Variants in ARHGEF37 observed in about 807,000 individuals in gnomAD.
The protein encoded by ARHGEF37 is Rho guanine nucleotide exchange factor 37, also known as Rho guanine nucleotide exchange factor (GEF) 37.
A neutral mutation model predicts 71.1 loss-of-function variants in ARHGEF37; 55 were observed. That is an observed-to-expected ratio of 0.77 (90% CI 0.62 to 0.97). The LOEUF is 0.97. Among genes scored for constraint, ARHGEF37 ranks in the 50% least tolerant of loss-of-function variants. ARHGEF37 has a pLI of 0.00. For synonymous variants in ARHGEF37, 327 were observed against 350.6 expected (o/e 0.93, Z 0.75); for missense variants, 765 against 836.8 (o/e 0.91, Z 1.06).
chr5:149,596,937 C>T (rs1763563141), intron 1 of ARHGEF37, among the ~76,000 whole-genome samples: 1 of 152,090 alleles, frequency 6.6e-6, no homozygotes, highest in Non-Finnish European at 1.5e-5. Flanking sequence ...GCAGGGCACA[C>T]CATGTTCACA....
chr5:149,597,270 T>A (rs1251803000), intron 1 of ARHGEF37, among the ~76,000 whole-genome samples: 1 of 150,846 alleles, frequency 6.6e-6, no homozygotes, highest in Non-Finnish European at 1.5e-5. Context: ...TAAAAAAAAA[T>A]TTTTTTTGTA....
At chr5:149,561,015 C>T (rs1762821703) in intron 1 of ARHGEF37, among the ~76,000 whole-genome samples, 1 of 152,206 alleles carries the variant, frequency 6.6e-6, no homozygotes. Flanking sequence ...TGGCTCACGC[C>T]TGTAATCCCA....
intron 1 of ARHGEF37, among the ~76,000 whole-genome samples, chr5:149,588,732 C>T (rs1763311599): frequency 6.6e-6 from 1 of 152,020 alleles, no homozygotes; most frequent in Non-Finnish European, 1.5e-5. Flanking sequence ...TTTAAATGGG[C>T]TCCTCCTGGG....
chr5:149,632,090 T>C lies in ARHGEF37; in HGVS notation c.1927T>C (p.Trp643Arg). 6.2e-7 allele frequency: 1 copy of C among 1,614,168 alleles called. No individual in the cohort carries two copies. The highest frequency in any genetic ancestry group is 8.5e-7 in the Non-Finnish European group (1 of 1,180,032). Residue 643 changes from tryptophan to arginine, a missense_variant, in exon 13 of 13, where the codon TGG becomes CGG. Coordinates refer to ENST00000333677, the MANE Select transcript of ARHGEF37 (RefSeq NM_001001669.3). ...CCAGGACAAGAAGGGGAACCCTGAG[T>C]GGAGCCTGGTGGAAGTGAATGGACA... ...EAQDKKGNPE[W>R]SLVEVNGQRG...
At chr5:149,626,178 A>T (rs1403841324) in intron 10 of ARHGEF37, among the ~76,000 whole-genome samples, 1 of 150,552 alleles carries the variant, frequency 6.6e-6, no homozygotes, top group Non-Finnish European at 1.5e-5. Context: ...CCTGAAGGGC[A>T]TCTCTGCCTG....
rs927511909 is a variant in ARHGEF37 at position 149,632,731 on chromosome 5, C to T, written c.*540C>T. 17 of 157,698 alleles carry T rather than the reference C, an allele frequency of 1.1e-4. No homozygotes were observed. Among genetic ancestry groups the T allele is most frequent in the Admixed American group, 3.0e-4 (5 of 16,682 alleles). 9.8% of individuals were successfully genotyped at this position (157,698 alleles called of 1,614,324 possible). A position where few individuals can be genotyped will look rare whatever the true frequency, so the allele number is the denominator to read the frequency against. On this transcript the variant is annotated 3_prime_UTR_variant, in exon 13 of 13. Coordinates refer to ENST00000333677, the MANE Select transcript of ARHGEF37 (RefSeq NM_001001669.3). The stretch of plus-strand genomic sequence containing the variant: ...ATCTTGGGCAGTGACCCACTGGGAG[C>T]CCTCTCAAGTGGGGAAGCCATGGAT...
chr5:149,605,474 A>T (rs913330607), intron 3 of ARHGEF37, among the ~76,000 whole-genome samples: 1 of 152,108 alleles, frequency 6.6e-6, no homozygotes, highest in African/African-American at 2.4e-5. Flanking sequence ...AGCACATCGC[A>T]TTTGGGGTTC....
At chr5:149,627,986 A>G (rs1318600181) in intron 11 of ARHGEF37, among the ~76,000 whole-genome samples, 1 of 152,266 alleles carries the variant, frequency 6.6e-6, no homozygotes, top group Non-Finnish European at 1.5e-5. Flanking sequence ...CCATGATTAT[A>G]ATCATATTAT....
At chr5:149,628,609 C>T (rs1308829229) in intron 11 of ARHGEF37, among the ~76,000 whole-genome samples, 200 bp from the exon 12 acceptor site, 1 of 152,110 alleles carries the variant, frequency 6.6e-6, no homozygotes, top group Non-Finnish European at 1.5e-5. Flanking sequence ...AGGGAATGAG[C>T]CCCCCATCAC....
chr5:149,607,820 G>A (rs1763958604), intron 3 of ARHGEF37, among the ~76,000 whole-genome samples: 1 of 140,132 alleles, frequency 7.1e-6, no homozygotes, highest in Non-Finnish European at 1.5e-5. Context: ...TGGAGTGAGT[G>A]CAGTGGCACG....
At chr5:149,571,390 G>C (rs1375699673) in intron 1 of ARHGEF37, among the ~76,000 whole-genome samples, 1 of 152,048 alleles carries the variant, frequency 6.6e-6, no homozygotes, top group Non-Finnish European at 1.5e-5. Flanking sequence ...TGAGTAGCTG[G>C]GATTACATAC....
At chr5:149,566,495 CA>C (rs1407313020) in intron 1 of ARHGEF37, among the ~76,000 whole-genome samples, 1 of 151,432 alleles carries the variant, frequency 6.6e-6, no homozygotes, top group Non-Finnish European at 1.5e-5. Context: ...GAGACTGTCT[CA>C]ACCCCCCCAT....
chr5:149,590,375 G>A (rs1041134165), intron 1 of ARHGEF37, among the ~76,000 whole-genome samples: 2 of 149,126 alleles, frequency 1.3e-5, no homozygotes, highest in African/African-American at 5.0e-5. Flanking sequence ...TCTGCCTCCC[G>A]GGTTCAAGTA....
chr5:149,626,869 T>G (rs1752702400), intron 10 of ARHGEF37: 1 of 421,024 alleles, frequency 2.4e-6, no homozygotes, highest in Non-Finnish European at 4.2e-6. Context: ...TCCCAGAAAT[T>G]AGAAGTTTCT....
chr5:149,558,484 C>T (rs998510163), intron 1 of ARHGEF37, among the ~76,000 whole-genome samples: 9 of 152,162 alleles, frequency 5.9e-5, no homozygotes, highest in South Asian at 2.1e-4. Flanking sequence ...CCAGCCTGGG[C>T]GACAGAGCGA....
At chr5:149,574,019 C>T (rs1260255411) in intron 1 of ARHGEF37, among the ~76,000 whole-genome samples, 1 of 152,142 alleles carries the variant, frequency 6.6e-6, no homozygotes, top group Non-Finnish European at 1.5e-5. Flanking sequence ...TCTTTATATA[C>T]TTTGTGTGAT....
chr5:149,583,823 C>T (rs150861568), intron 1 of ARHGEF37, among the ~76,000 whole-genome samples: 241 of 152,290 alleles, frequency 1.6e-3, no homozygotes, highest in African/African-American at 5.6e-3. Flanking sequence ...TGCAGTGATG[C>T]AGTCACAACT....
In ARHGEF37 at chr5:149,634,686, T is replaced by C. The variant is rs1752981208; in HGVS notation, c.*2495T>C. The C allele has an allele frequency of 1.3e-5, 2 of 152,636 alleles. No homozygotes were observed. Among genetic ancestry groups the C allele is most frequent in the South Asian group, 4.1e-4 (2 of 4,832 alleles). 9.5% of individuals were successfully genotyped at this position (152,636 alleles called of 1,614,324 possible). A position where few individuals can be genotyped will look rare whatever the true frequency, so the allele number is the denominator to read the frequency against. On this transcript the variant is annotated 3_prime_UTR_variant, in exon 13 of 13. Coordinates refer to ENST00000333677, the MANE Select transcript of ARHGEF37 (RefSeq NM_001001669.3). ...CCTAGAACCATGGCACTGTGTCTTA[T>C]TTATTTAACCGTTGGGCTGTCTCAT... is the stretch of plus-strand genomic sequence containing the variant.
intron 10 of ARHGEF37, 146 bp downstream of exon 10, chr5:149,624,286 CTA>C (rs1207755498): frequency 3.4e-6 from 4 of 1,178,302 alleles, no homozygotes; most frequent in Non-Finnish European, 4.6e-6. Flanking sequence ...TCTCTCCTTT[CTA>C]TTTGAGCTGG....
Sources: allele counts gnomAD v4.1 joint callset (sites outside exome capture counted in the v4.1 genomes callset), GRCh38; gene constraint gnomAD v4.1.1; transcripts MANE v1.5; gene names NCBI Gene and HGNC (gene_info 2026-07-23, HGNC 2026-07-21).